DYM: variants seen among roughly 807,000 people sequenced by gnomAD.
DYM encodes dymeclin.
Under a neutral mutation model 93.1 loss-of-function variants are expected in DYM, and 78 were observed. The ratio of observed to expected loss-of-function variants is 0.84; its 90% confidence interval spans 0.70 to 1.01. The LOEUF is 1.01. Ranked by LOEUF, DYM falls within the 50% of genes least tolerant of loss-of-function variation. DYM has a pLI of 0.00. For missense variants in DYM, 789 were observed against 845.0 expected, an observed-to-expected ratio of 0.93 and a Z score of 0.82; for synonymous variants, 321 against 319.7, an observed-to-expected ratio of 1.00 and a Z score of -0.04.
chr18:49,160,595 TA>T (rs2086989950), intron 15 of DYM, among the ~76,000 whole-genome samples: 5 of 132,034 alleles, frequency 3.8e-5, no homozygotes, highest in African/African-American at 1.4e-4. Flanking sequence ...AAAAAAAAAG[TA>T]CACATCTAGG....
rs777802663 is a variant in DYM at position 49,232,603 on chromosome 18, CTTTTTTTTTTTTT to C, written c.1461-22901_1461-22889del. Among the ~76,000 whole-genome samples the C allele has an allele frequency of 3.1e-4, 29 of 94,412 alleles. 1 individual carries two copies. Among genetic ancestry groups the C allele is most frequent in the Admixed American group, 1.0e-3 (8 of 7,846 alleles). 61.9% of individuals were successfully genotyped at this position (94,412 alleles called of 152,430 possible). A position where few individuals can be genotyped will look rare whatever the true frequency, so the allele number is the denominator to read the frequency against. On this transcript the variant is annotated intron_variant, in intron 13 of 17. Coordinates refer to ENST00000675505, the MANE Select transcript of DYM (RefSeq NM_001353214.3). ...AGGCGTGAGCCACTGTGCCCGGCCT[CTTTTTTTTTTTTT>C]TTTTTTTTTTTGGAAACAGACTTGC...
chr18:49,182,125 G>A (rs1009986814), intron 14 of DYM, among the ~76,000 whole-genome samples: 2 of 152,048 alleles, frequency 1.3e-5, no homozygotes, highest in African/African-American at 4.8e-5. Flanking sequence ...ATCCATTATT[G>A]ATATCTATTA....
intron 17 of DYM, among the ~76,000 whole-genome samples, chr18:49,065,400 T>C (rs142301929): frequency 0.023 from 3,436 of 152,344 alleles, 120 homozygotes; most frequent in African/African-American, 0.078. Flanking sequence ...TTCGCTCTTG[T>C]TGCCCAGGCT....
At position 49,433,162 on chromosome 18, in the gene DYM, C is replaced by T. The variant is rs555166041; in HGVS notation, c.-53-2715G>A. Among the ~76,000 whole-genome samples, 5 of 152,248 alleles carry T rather than the reference C, an allele frequency of 3.3e-5. No homozygotes were observed. In the South Asian group the frequency reaches 6.2e-4, roughly 19 times the overall value. ...CTGGGACAAGAGTCAAAACAGCTCCCGGATCAACCAGGAGAAGAAAGCATA... is the reference window on the plus strand; with the variant it reads ...CTGGGACAAGAGTCAAAACAGCTCCTGGATCAACCAGGAGAAGAAAGCATA... On this transcript the variant is annotated intron_variant, in intron 1 of 17. Coordinates refer to ENST00000675505, the MANE Select transcript of DYM (RefSeq NM_001353214.3).
At chr18:49,348,966 G>C (rs1232558052) in intron 6 of DYM, among the ~76,000 whole-genome samples, 3 of 149,702 alleles carry the variant, frequency 2.0e-5, no homozygotes, top group African/African-American at 7.4e-5. Flanking sequence ...TCAGCACTTT[G>C]GGAGGCCGAA....
chr18:49,168,921 A>G (rs1337941323), intron 14 of DYM, among the ~76,000 whole-genome samples: 1 of 152,158 alleles, frequency 6.6e-6, no homozygotes, highest in Non-Finnish European at 1.5e-5. Context: ...GATTTCAAGG[A>G]AATACCCATA....
chr18:49,414,565 T>C lies in DYM; in HGVS notation c.140+15690A>G, dbSNP rs560767261. On this transcript the variant is annotated intron_variant, in intron 2 of 17. Transcript: ENST00000675505. ...ATGTTATTTGTTTCGTGTTGGCTGTTCTGCTACACGGGCCTTTTGCTGCTC... is the reference window on the plus strand; with the variant it reads ...ATGTTATTTGTTTCGTGTTGGCTGTCCTGCTACACGGGCCTTTTGCTGCTC... Among the ~76,000 whole-genome samples the C allele has an allele frequency of 2.3e-3, 345 of 152,294 alleles. 2 individuals carry two copies. Among genetic ancestry groups the C allele is most frequent in the Non-Finnish European group, 4.1e-3 (277 of 68,020 alleles).
chr18:49,333,986 G>T lies in DYM; in HGVS notation c.495-133C>A. On this transcript the variant is annotated intron_variant, in intron 6 of 17. Transcript: ENST00000675505. ...TCAGGTTACTGAAAAATGTTAATAC[G>T]TTTAATACAAAAATTAAGTCAAGCA... is the stretch of plus-strand genomic sequence containing the variant. 10 of 961,542 alleles carry T rather than the reference G, an allele frequency of 1.0e-5. No homozygotes were observed. In the South Asian group the frequency reaches 1.5e-4, roughly 14 times the overall value. 59.6% of individuals were successfully genotyped at this position (961,542 alleles called of 1,614,324 possible).
At chr18:49,372,743 T>TC (rs112399315) in intron 5 of DYM, among the ~76,000 whole-genome samples, 14,358 of 151,968 alleles carry the variant, frequency 0.094, 866 homozygotes, top group East Asian at 0.31. Flanking sequence ...AGACTCTGCC[T>TC]GAAAAAGAAA....
intron 2 of DYM, among the ~76,000 whole-genome samples, chr18:49,409,591 T>C (rs2071967640): frequency 6.6e-6 from 1 of 152,184 alleles, no homozygotes; most frequent in Non-Finnish European, 1.5e-5. Flanking sequence ...AGTACCACTG[T>C]TGGATGTCAA....
intron 8 of DYM, among the ~76,000 whole-genome samples, chr18:49,330,714 A>T (rs1025046774): frequency 4.3e-4 from 65 of 152,314 alleles, no homozygotes; most frequent in Admixed American, 3.7e-3. Flanking sequence ...AATGATTTTT[A>T]AAAAAGAAAA....
At chr18:49,159,853 G>C (rs1568517596) in intron 15 of DYM, among the ~76,000 whole-genome samples, 1 of 152,134 alleles carries the variant, frequency 6.6e-6, no homozygotes, top group Non-Finnish European at 1.5e-5. Flanking sequence ...GGGAAACAAA[G>C]CTTATATGGT....
intron 8 of DYM, among the ~76,000 whole-genome samples, chr18:49,327,270 G>C (rs917709453): frequency 2.0e-5 from 3 of 152,028 alleles, no homozygotes; most frequent in South Asian, 2.1e-4. Flanking sequence ...GGGAAAAAAA[G>C]ATTGTTGATC....
At chr18:49,189,131 T>A (rs967512320) in intron 14 of DYM, among the ~76,000 whole-genome samples, 1 of 152,120 alleles carries the variant, frequency 6.6e-6, no homozygotes, top group Non-Finnish European at 1.5e-5. Flanking sequence ...AAGATGGGAA[T>A]AACAGAAACT....
At chr18:49,288,771 C>A (rs916721448) in intron 8 of DYM, among the ~76,000 whole-genome samples, 2 of 151,534 alleles carry the variant, frequency 1.3e-5, no homozygotes, top group Non-Finnish European at 2.9e-5. Context: ...CAGAGTAAGA[C>A]TCTGTCTCAA....
At chr18:49,101,092 T>C (rs2080088725) in intron 16 of DYM, among the ~76,000 whole-genome samples, 1 of 152,216 alleles carries the variant, frequency 6.6e-6, no homozygotes, top group African/African-American at 2.4e-5. Context: ...CTTTTAGTGA[T>C]GATGACTACA....
chr18:49,201,763 T>C (rs773390628), intron 14 of DYM, among the ~76,000 whole-genome samples: 1 of 152,276 alleles, frequency 6.6e-6, no homozygotes, highest in Non-Finnish European at 1.5e-5. Context: ...ACATTATCTA[T>C]TCTTAGTTAC....
chr18:49,370,181 G>T (rs547361711), intron 5 of DYM, among the ~76,000 whole-genome samples: 1 of 151,972 alleles, frequency 6.6e-6, no homozygotes, highest in East Asian at 1.9e-4. Context: ...GGGAGGCTGA[G>T]GCAGGAGAAT....
At chr18:49,166,778 A>T (rs774596000) in intron 14 of DYM, among the ~76,000 whole-genome samples, 1 of 152,128 alleles carries the variant, frequency 6.6e-6, no homozygotes, top group Non-Finnish European at 1.5e-5. Flanking sequence ...TTCTTGCACA[A>T]GGTGTGGCAA....
Sources: gnomAD v4.1 joint callset for allele counts (sites outside exome capture counted in the v4.1 genomes callset) on GRCh38, gnomAD v4.1.1 for gene constraint, MANE v1.5 for transcripts, NCBI Gene and HGNC (gene_info 2026-07-23, HGNC 2026-07-21) for gene names.